GNG7: variants seen among roughly 807,000 people sequenced by gnomAD.
GNG7 encodes the protein guanine nucleotide-binding protein G(I)/G(S)/G(O) subunit gamma-7.
A neutral mutation model predicts 4.0 loss-of-function variants in GNG7; 1 was observed. The ratio of observed to expected loss-of-function variants is 0.25; its 90% CI spans 0.09 to 1.18. GNG7 has a LOEUF of 1.18. Among genes scored for constraint, GNG7 ranks in the 50% most tolerant of loss-of-function variants. GNG7 has a pLI of 0.50. For synonymous variants in GNG7, 34 were observed against 36.9 expected (o/e 0.92, Z 0.29); for missense variants, 86 against 91.9 (o/e 0.94, Z 0.26).
At chr19:2,662,280 A>AAG (rs34389468) in intron 1 of GNG7, among the ~76,000 whole-genome samples, 3,189 of 143,078 alleles carry the variant, frequency 0.022, 132 homozygotes, top group African/African-American at 0.063. Flanking sequence ...AAAAAAAAAA[A>AAG]TCAACCCAAG....
intron 3 of GNG7, among the ~76,000 whole-genome samples, chr19:2,551,576 A>AT (rs1979322315): frequency 2.5e-5 from 2 of 78,544 alleles, no homozygotes; most frequent in African/African-American, 6.4e-5. Context: ...TATTATCTAT[A>AT]ATATATAAAT....
At chr19:2,619,910 G>A (rs775724428) in intron 2 of GNG7, among the ~76,000 whole-genome samples, 1 of 151,664 alleles carries the variant, frequency 6.6e-6, no homozygotes, top group African/African-American at 2.4e-5. Flanking sequence ...TGAGTTTTAC[G>A]CTGTGTCAGT....
intron 2 of GNG7, among the ~76,000 whole-genome samples, chr19:2,585,734 C>T (rs1422319382): frequency 6.6e-6 from 1 of 152,106 alleles, no homozygotes; most frequent in South Asian, 2.1e-4. Context: ...AGAGGCTTGC[C>T]CTGTTTCCCA....
At chr19:2,539,202 A>G (rs1978860255) in intron 3 of GNG7, among the ~76,000 whole-genome samples, 1 of 152,108 alleles carries the variant, frequency 6.6e-6, no homozygotes, top group Admixed American at 6.6e-5. Context: ...TGCAAAGCAG[A>G]TTATCTTCTG....
intron 2 of GNG7, among the ~76,000 whole-genome samples, chr19:2,569,535 A>G (rs1446230661): frequency 6.6e-6 from 1 of 152,164 alleles, no homozygotes; most frequent in Non-Finnish European, 1.5e-5. Flanking sequence ...TCGGCCTCCC[A>G]AAGTGCTGGG....
chr19:2,676,353 G>T (rs1049508498), intron 1 of GNG7, among the ~76,000 whole-genome samples: 3 of 151,920 alleles, frequency 2.0e-5, no homozygotes, highest in African/African-American at 7.3e-5. Context: ...GGCATGTTCA[G>T]ACACCCTCCT....
intron 2 of GNG7, among the ~76,000 whole-genome samples, chr19:2,616,370 G>A (rs908436346): frequency 7.6e-4 from 116 of 152,100 alleles, no homozygotes; most frequent in African/African-American, 2.6e-3. Flanking sequence ...TCAGCCTCCC[G>A]AGTAGCTGGG....
At chr19:2,681,973 A>G (rs59604612) in intron 1 of GNG7, among the ~76,000 whole-genome samples, 11,958 of 148,346 alleles carry the variant, frequency 0.081, 885 homozygotes, top group African/African-American at 0.2. Flanking sequence ...GCAGTGGCGC[A>G]ATCTCAGCTC....
chr19:2,655,082 C>A (rs991605354), intron 1 of GNG7, among the ~76,000 whole-genome samples: 9 of 151,420 alleles, frequency 5.9e-5, no homozygotes, highest in African/African-American at 1.7e-4. Flanking sequence ...CCCAGTTACT[C>A]AGGAGGCTGA....
At position 2,557,483 on chromosome 19, in the gene GNG7, C is replaced by T. The variant is rs181731022; in HGVS notation, c.-77-2295G>A. On this transcript the variant is annotated intron_variant, in intron 2 of 4. Coordinates refer to ENST00000382159, the MANE Select transcript of GNG7 (RefSeq NM_052847.3). The surrounding 1 kb of genome is among the most constrained non-coding windows in gnomAD (Gnocchi z 5.1). ...GAAACGAGGGGCTGCAGGACTTTTCCTCCTCCTGCCCAAAGGCACCTGCAC... is the reference window on the plus strand; with the variant it reads ...GAAACGAGGGGCTGCAGGACTTTTCTTCCTCCTGCCCAAAGGCACCTGCAC... 1.4e-4 allele frequency among the ~76,000 whole-genome samples: 21 copies of T among 152,326 alleles called. No homozygotes were observed. Among genetic ancestry groups the T allele is most frequent in the Non-Finnish European group, 2.8e-4 (19 of 68,034 alleles).
intron 1 of GNG7, among the ~76,000 whole-genome samples, chr19:2,660,150 T>A (rs2144877400): frequency 6.6e-6 from 1 of 152,290 alleles, no homozygotes. Flanking sequence ...CAGATTAGCC[T>A]AGGATGCATG....
intron 2 of GNG7, among the ~76,000 whole-genome samples, chr19:2,638,285 C>T (rs1355241403): frequency 6.7e-6 from 1 of 150,258 alleles, no homozygotes; most frequent in African/African-American, 2.5e-5. Flanking sequence ...TTACTTGAGC[C>T]TGGGAGGCAG....
chr19:2,686,755 T>A (rs1983882343), intron 1 of GNG7, among the ~76,000 whole-genome samples: 1 of 116,704 alleles, frequency 8.6e-6, no homozygotes, highest in South Asian at 2.5e-4. Flanking sequence ...TTTTCTTTCT[T>A]TTTTTTTTTT....
chr19:2,620,436 C>T (rs1981839163), intron 2 of GNG7, among the ~76,000 whole-genome samples: 1 of 152,082 alleles, frequency 6.6e-6, no homozygotes, highest in Admixed American at 6.6e-5. Context: ...AACCTGCCAC[C>T]CCAGGGGCCA....
At position 2,557,091 on chromosome 19, in the gene GNG7, AC is replaced by A. The variant is rs1979573558; in HGVS notation, c.-77-1904del. 6.6e-6 allele frequency among the ~76,000 whole-genome samples: 1 copy of A among 151,344 alleles called. No homozygotes were observed. The highest frequency in any genetic ancestry group is 1.5e-5 in the Non-Finnish European group (1 of 67,790). ...CACAGACACACGCACACACGTGCAC[AC>A]AGGAATACTCAGACACACGCACACA... On this transcript the variant is annotated intron_variant, in intron 2 of 4. Coordinates refer to ENST00000382159, the MANE Select transcript of GNG7 (RefSeq NM_052847.3). This position sits in a 1 kb window ranked among gnomAD's most constrained non-coding sequence, Gnocchi z 5.1.
chr19:2,533,096 C>T (rs1031988403), intron 3 of GNG7, among the ~76,000 whole-genome samples: 24 of 151,766 alleles, frequency 1.6e-4, no homozygotes, highest in Admixed American at 4.6e-4. Flanking sequence ...CAATGAAATA[C>T]GGCTGCACAC....
chr19:2,523,566 C>G (rs1216677994), intron 3 of GNG7, among the ~76,000 whole-genome samples: 1 of 152,030 alleles, frequency 6.6e-6, no homozygotes, highest in Non-Finnish European at 1.5e-5. Flanking sequence ...CTGTTAGTGC[C>G]TCAACTACGG....
At chr19:2,603,620 G>A (rs769133240) in intron 2 of GNG7, among the ~76,000 whole-genome samples, 85 of 152,178 alleles carry the variant, frequency 5.6e-4, no homozygotes, top group Non-Finnish European at 9.8e-4. Flanking sequence ...TCACCCTTGC[G>A]GGGCGGCGGC....
At chr19:2,571,868 T>C (rs761171666) in intron 2 of GNG7, among the ~76,000 whole-genome samples, 8 of 151,996 alleles carry the variant, frequency 5.3e-5, no homozygotes, top group Admixed American at 1.3e-4. Context: ...AGTGTTGGGA[T>C]TACAGGTGTG....
Sources: gnomAD v4.1 joint callset for allele counts (sites outside exome capture counted in the v4.1 genomes callset) on GRCh38, gnomAD v4.1.1 for gene constraint, Gnocchi (gnomAD v3.1) non-coding constraint, MANE v1.5 for transcripts, NCBI Gene and HGNC (gene_info 2026-07-23, HGNC 2026-07-21) for gene names.